SLC39A11: variants seen among roughly 807,000 people sequenced by gnomAD.
SLC39A11 encodes zinc transporter ZIP11.
Under a neutral mutation model 36.1 loss-of-function variants are expected in SLC39A11, and 33 were observed. The ratio of observed to expected loss-of-function variants is 0.91; its 90% confidence interval spans 0.69 to 1.22. The LOEUF (loss-of-function observed/expected upper bound fraction) is 1.22, where lower values mean the gene tolerates loss of function less well. SLC39A11 is among the 50% of genes most tolerant of loss of function. SLC39A11 has a pLI of 0.00. For synonymous variants in SLC39A11, 166 were observed against 170.3 expected, an observed-to-expected ratio of 0.97 and a Z score of 0.20; for missense variants, 432 against 430.3, an observed-to-expected ratio of 1.00 and a Z score of -0.03.
At chr17:72,715,979 G>T (rs971880119) in intron 7 of SLC39A11, among the ~76,000 whole-genome samples, 8 of 152,076 alleles carry the variant, frequency 5.3e-5, no homozygotes, top group Admixed American at 3.3e-4. Flanking sequence ...TTACAGACGT[G>T]AGCCACCGTG....
intron 4 of SLC39A11, among the ~76,000 whole-genome samples, chr17:72,997,329 C>T (rs1261326419): frequency 6.6e-6 from 1 of 152,216 alleles, no homozygotes; most frequent in Non-Finnish European, 1.5e-5. Context: ...TCTCAGCTCA[C>T]TGCAACCTCC....
chr17:72,688,462 C>T (rs2071858881), intron 7 of SLC39A11, among the ~76,000 whole-genome samples: 1 of 152,236 alleles, frequency 6.6e-6, no homozygotes, highest in South Asian at 2.1e-4. Context: ...CCAGGCCATA[C>T]CATGTGTGCC....
At chr17:72,918,306 G>A in intron 5 of SLC39A11, among the ~76,000 whole-genome samples, 1 of 152,250 alleles carries the variant, frequency 6.6e-6, no homozygotes, top group East Asian at 1.9e-4. Context: ...CTACTCAGGA[G>A]TCTGAGGCAG....
rs528762684 is a variant in SLC39A11 at position 72,850,784 on chromosome 17, T to C, written c.431-980A>G. On this transcript the variant is annotated intron_variant, in intron 5 of 9. Coordinates refer to ENST00000255559, the MANE Select transcript of SLC39A11 (RefSeq NM_139177.4). ...CAACAATGTCTGAAAGTACTTAGAA[T>C]GTACTAAGTGCTGATTGTATTGATG... 4.6e-5 allele frequency among the ~76,000 whole-genome samples: 7 copies of C among 152,302 alleles called. No homozygotes were observed. The South Asian group carries it at 8.3e-4, about 18-fold the overall frequency.
intron 7 of SLC39A11, among the ~76,000 whole-genome samples, chr17:72,729,457 A>ATTTTTTTTT (rs55729197): frequency 4.1e-4 from 3 of 7,234 alleles, no homozygotes; most frequent in African/African-American, 6.7e-4. Context: ...ATATATATAT[A>ATTTTTTTTT]TTTTTTTTTT....
intron 5 of SLC39A11, among the ~76,000 whole-genome samples, chr17:72,939,439 C>T (rs1172456665): frequency 7.2e-6 from 1 of 139,840 alleles, no homozygotes; most frequent in Admixed American, 7.7e-5. Flanking sequence ...AGCCTGGTGA[C>T]AGAGTAAGGT....
At chr17:72,951,536 C>T (rs2085866252) in intron 4 of SLC39A11, among the ~76,000 whole-genome samples, 1 of 152,146 alleles carries the variant, frequency 6.6e-6, no homozygotes, top group Non-Finnish European at 1.5e-5. Context: ...GTCTCCTGTC[C>T]TCATGAATCC....
intron 5 of SLC39A11, among the ~76,000 whole-genome samples, chr17:72,934,356 A>G (rs2084613924): frequency 6.6e-6 from 1 of 152,146 alleles, no homozygotes; most frequent in Non-Finnish European, 1.5e-5. Context: ...AAGGTCCTCT[A>G]TGCAGAATAC....
chr17:72,681,035 C>T lies in SLC39A11; in HGVS notation c.672-31767G>A, dbSNP rs111891641. On this transcript the variant is annotated intron_variant, in intron 7 of 9. Coordinates refer to ENST00000255559, the MANE Select transcript of SLC39A11 (RefSeq NM_139177.4). ...TGGCTCATTGTTAACCTTCATCTCC[C>T]GGGTTCAAGTGATTTTCCTGACTCA... Among the ~76,000 whole-genome samples, 15 of 152,206 alleles carry T rather than the reference C, an allele frequency of 9.9e-5. 1 individual carries two copies. The highest frequency in any genetic ancestry group is 3.4e-3 in the Middle Eastern group (1 of 294).
At chr17:72,999,751 T>C (rs1438015569) in intron 4 of SLC39A11, among the ~76,000 whole-genome samples, 1 of 152,152 alleles carries the variant, frequency 6.6e-6, no homozygotes. Flanking sequence ...TGTTTGTTTG[T>C]TTTTTTGAGA....
chr17:73,066,648 A>G (rs931401014), intron 3 of SLC39A11, among the ~76,000 whole-genome samples: 1 of 152,188 alleles, frequency 6.6e-6, no homozygotes, highest in Non-Finnish European at 1.5e-5. Context: ...TTCAGGGATG[A>G]GCACACATCC....
intron 5 of SLC39A11, among the ~76,000 whole-genome samples, chr17:72,876,038 A>G (rs1283556225): frequency 6.6e-6 from 1 of 152,188 alleles, no homozygotes; most frequent in Non-Finnish European, 1.5e-5. Flanking sequence ...AGTAGGTTAT[A>G]AATATAACTG....
At chr17:73,016,933 T>G (rs926017258) in intron 4 of SLC39A11, among the ~76,000 whole-genome samples, 2 of 152,202 alleles carry the variant, frequency 1.3e-5, no homozygotes, top group Non-Finnish European at 2.9e-5. Context: ...GCTCTCCACT[T>G]AAGCGCCTGT....
intron 5 of SLC39A11, among the ~76,000 whole-genome samples, chr17:72,878,971 G>A (rs1379888783): frequency 6.6e-6 from 1 of 152,216 alleles, no homozygotes; most frequent in Non-Finnish European, 1.5e-5. Flanking sequence ...TTACTAGGAT[G>A]GCTCACAGAA....
In SLC39A11 at chr17:73,079,502, A is replaced by G. The variant is rs528958198; in HGVS notation, c.147+5306T>C. Among the ~76,000 whole-genome samples, 5 of 152,346 alleles carry G rather than the reference A, an allele frequency of 3.3e-5. No homozygotes were observed. In the East Asian group the frequency reaches 9.6e-4, roughly 29 times the overall value. On this transcript the variant is annotated intron_variant, in intron 3 of 9. Coordinates refer to ENST00000255559, the MANE Select transcript of SLC39A11 (RefSeq NM_139177.4). Reference sequence around the variant, plus strand: ...GCATAGAAGAGACATACCTTAAGGTAATAAAAGTCATCCAGGACAAACCCA... The same window carrying G: ...GCATAGAAGAGACATACCTTAAGGTGATAAAAGTCATCCAGGACAAACCCA...
rs1259252894 is a variant in SLC39A11 at position 72,780,240 on chromosome 17, G to T, written c.602-43521C>A. ...AGAAACTGAGCTAGCTGAAGGGCAA[G>T]AGCTGGATCAACAAGGCCTTCTCTG... On this transcript the variant is annotated intron_variant, in intron 6 of 9. Coordinates refer to ENST00000255559, the MANE Select transcript of SLC39A11 (RefSeq NM_139177.4). Among the ~76,000 whole-genome samples, 6 of 152,328 alleles carry T rather than the reference G, an allele frequency of 3.9e-5. No individual in the cohort carries two copies. The East Asian group carries it at 1.2e-3, about 29-fold the overall frequency.
chr17:72,782,173 G>A (rs1446158867), intron 6 of SLC39A11, among the ~76,000 whole-genome samples: 2 of 152,068 alleles, frequency 1.3e-5, no homozygotes, highest in Non-Finnish European at 2.9e-5. Context: ...GAGACACCCA[G>A]AGGAGAAGAC....
intron 8 of SLC39A11, 75 bp from the exon 9 acceptor site, chr17:72,649,036 C>T (rs2143830759): frequency 6.4e-7 from 1 of 1,563,924 alleles, no homozygotes; most frequent in Non-Finnish European, 8.7e-7. Context: ...ACTGTTGGCT[C>T]AACCCTAGCA....
At chr17:72,662,184 C>CT (rs1054460027) in intron 7 of SLC39A11, among the ~76,000 whole-genome samples, 1 of 152,032 alleles carries the variant, frequency 6.6e-6, no homozygotes, top group Admixed American at 6.6e-5. Flanking sequence ...GGAGGACTGC[C>CT]TGAGCCCAGG....
Sources: gnomAD v4.1 joint callset for allele counts (sites outside exome capture counted in the v4.1 genomes callset) on GRCh38, gnomAD v4.1.1 for gene constraint, MANE v1.5 for transcripts, NCBI Gene and HGNC (gene_info 2026-07-23, HGNC 2026-07-21) for gene names.